Variants in BLTP1 observed in about 807,000 individuals in gnomAD.
BLTP1 encodes fragile site-associated protein.
At chr4:122,209,178 A>G in the BLTP1 span, 1 of 1,607,126 alleles carries the variant, frequency 6.2e-7, no homozygotes, top group East Asian at 2.2e-5. Flanking sequence ...GTTGATCTTC[A>G]TTTGTTTCTA....
the BLTP1 span, among the ~76,000 whole-genome samples, chr4:122,168,846 G>T: frequency 6.6e-6 from 1 of 152,096 alleles, no homozygotes; most frequent in Non-Finnish European, 1.5e-5. Context: ...TTTCTTAAGA[G>T]ATGTTTAATT....
the BLTP1 span, chr4:122,153,852 C>T: frequency 3.7e-6 from 1 of 271,618 alleles, no homozygotes; most frequent in Admixed American, 6.5e-5. Flanking sequence ...TTATTTTATA[C>T]TTAGGAGTAT....
the BLTP1 span, chr4:122,348,828 GTAGA>G: frequency 2.9e-6 from 2 of 700,518 alleles, no homozygotes. Flanking sequence ...TGAAAAAGAA[GTAGA>G]TAAACGATAT....
At chr4:122,355,921 G>T in the BLTP1 span, 1 of 1,612,380 alleles carries the variant, frequency 6.2e-7, no homozygotes, top group African/African-American at 1.3e-5. Context: ...GACTATCTTT[G>T]CATTACCAAG....
At chr4:122,213,911 T>C in the BLTP1 span, among the ~76,000 whole-genome samples, 1 of 152,182 alleles carries the variant, frequency 6.6e-6, no homozygotes, top group Non-Finnish European at 1.5e-5. Flanking sequence ...TTTAGTCTTA[T>C]TTCATTTTTT....
chr4:122,267,051 A>ATTTTT, the BLTP1 span: 1,099 of 151,900 alleles, frequency 7.2e-3, 66 homozygotes, highest in Non-Finnish European at 9.1e-3. Context: ...TAAGGAAGTA[A>ATTTTT]TTTTTTTTTT....
At chr4:122,229,383 A>C in the BLTP1 span, 1 of 601,522 alleles carries the variant, frequency 1.7e-6, no homozygotes, top group Non-Finnish European at 2.7e-6. Context: ...AATTTTTACT[A>C]ATCCATGTTC....
At chr4:122,315,611 G>C in the BLTP1 span, 2 of 1,614,006 alleles carry the variant, frequency 1.2e-6, no homozygotes, top group Non-Finnish European at 1.7e-6. Flanking sequence ...AGATGACATT[G>C]CTGACTTAAA....
the BLTP1 span, chr4:122,254,425 T>A: frequency 7.4e-7 from 1 of 1,353,468 alleles, no homozygotes; most frequent in Non-Finnish European, 1.0e-6. Context: ...TTCATATTTT[T>A]AAAAATTACT....
At chr4:122,206,374 T>C in the BLTP1 span, among the ~76,000 whole-genome samples, 1 of 151,886 alleles carries the variant, frequency 6.6e-6, no homozygotes, top group African/African-American at 2.4e-5. Context: ...AGAAATAGAA[T>C]GCAGAAGAAA....
chr4:122,177,991 C>T, the BLTP1 span: 1 of 396,222 alleles, frequency 2.5e-6, no homozygotes, highest in Non-Finnish European at 3.4e-6. Flanking sequence ...GTACTGTATA[C>T]TTGGTGTCTA....
the BLTP1 span, among the ~76,000 whole-genome samples, chr4:122,285,280 A>G: frequency 2.6e-5 from 4 of 152,200 alleles, no homozygotes; most frequent in Non-Finnish European, 5.9e-5. Flanking sequence ...GAATGACTAT[A>G]CTAGTAATAA....
the BLTP1 span, among the ~76,000 whole-genome samples, chr4:122,339,698 A>G: frequency 6.6e-6 from 1 of 152,136 alleles, no homozygotes. Flanking sequence ...CTACTATATA[A>G]TAATCCACAT....
chr4:122,243,181 A>G, the BLTP1 span: 1 of 1,103,534 alleles, frequency 9.1e-7, no homozygotes, highest in Non-Finnish European at 1.3e-6. Flanking sequence ...TTAAGAATAA[A>G]TTACCAAAAT....
At chr4:122,172,959 C>A in the BLTP1 span, 1 of 1,576,188 alleles carries the variant, frequency 6.3e-7, no homozygotes, top group Admixed American at 2.0e-5. Flanking sequence ...TTTAAAATTC[C>A]AAGTATTAAA....
chr4:122,249,373 G>A, the BLTP1 span: 1 of 1,475,164 alleles, frequency 6.8e-7, no homozygotes. Flanking sequence ...TTTTGACAGA[G>A]CACTAAGATA....
chr4:122,318,422 T>C, the BLTP1 span: 2 of 705,838 alleles, frequency 2.8e-6, no homozygotes, highest in South Asian at 1.7e-5. Flanking sequence ...TGTGTTATTT[T>C]CCTATTTTAA....
the BLTP1 span, among the ~76,000 whole-genome samples, chr4:122,159,806 T>C: frequency 6.6e-6 from 1 of 152,194 alleles, no homozygotes; most frequent in Non-Finnish European, 1.5e-5. Context: ...CCATTTCAAA[T>C]CTGGTTTTAA....
chr4:122,359,469 G>C, the BLTP1 span: 1 of 1,508,700 alleles, frequency 6.6e-7, no homozygotes, highest in Non-Finnish European at 8.9e-7. Context: ...CCAGGTCATA[G>C]ATAAAATGAG....
Sources: gnomAD v4.1 joint callset for allele counts (sites outside exome capture counted in the v4.1 genomes callset) on GRCh38, gnomAD v4.1.1 for gene constraint, MANE v1.5 for transcripts, NCBI Gene and HGNC (gene_info 2026-07-23, HGNC 2026-07-21) for gene names.